OR2AG1: variants seen among roughly 807,000 people sequenced by gnomAD.
The protein encoded by OR2AG1 is olfactory receptor 2AG1.
For synonymous variants in OR2AG1, 157 were observed against 155.6 expected (o/e 1.01, Z -0.07); for missense variants, 391 against 385.9 (o/e 1.01, Z -0.11).
rs540398194 is a variant in OR2AG1 at position 6,791,278 on chromosome 11, G to A, written c.*5290G>A. 6.6e-6 allele frequency: 1 copy of A among 152,300 alleles called. No homozygotes were observed. The highest frequency in any genetic ancestry group is 2.1e-4 in the South Asian group (1 of 4,824). The allele number at this position is 152,300 out of a possible 1,614,324, so 9.4% of individuals were successfully genotyped here. On this transcript the variant is annotated 3_prime_UTR_variant, in exon 2 of 2. Transcript: ENST00000641258. ...TATTGTGTATTGTCACTAATTCTGGGAAGGCGGGGGCCATTGGTTTTCATG... is the reference window on the plus strand; with the variant it reads ...TATTGTGTATTGTCACTAATTCTGGAAAGGCGGGGGCCATTGGTTTTCATG...
rs1045709194 is a variant in OR2AG1, at chr11:6,787,243, T to C, written c.*1255T>C. The stretch of plus-strand genomic sequence containing the variant: ...CAGATTTTTTTAACCTACAAGCATA[T>C]AGTTATTTTTCCTATATTATATAGT... On this transcript the variant is annotated 3_prime_UTR_variant, in exon 2 of 2. Coordinates refer to ENST00000641258, the MANE Select transcript of OR2AG1 (RefSeq NM_001004489.3). 6.6e-6 allele frequency: 1 copy of C among 152,122 alleles called. No individual in the cohort carries two copies. The highest frequency in any genetic ancestry group is 1.9e-4 in the East Asian group (1 of 5,198). 9.4% of individuals were successfully genotyped at this position (152,122 alleles called of 1,614,324 possible). A position where few individuals can be genotyped will look rare whatever the true frequency, so the allele number is the denominator to read the frequency against.
rs145500563 is a variant in OR2AG1, at chr11:6,785,447, G to C, written c.410G>C (p.Ser137Thr). 6.2e-7 allele frequency: 1 copy of C among 1,614,108 alleles called. No homozygotes were observed. The highest frequency in any genetic ancestry group is 1.1e-5 in the South Asian group (1 of 91,078). ...CHPLTYMTLM[S>T]SRACWLMVAT... ...CCTCTGACATACATGACCCTCATGA[G>C]CTCAAGAGCCTGCTGGCTCATGGTG... Residue 137 changes from serine (S) to threonine (T), a missense_variant, in exon 2 of 2, where the codon AGC (serine) becomes ACC (threonine). Ser to Thr is a moderately conservative substitution (Grantham distance 58, BLOSUM62 1). Transcript: ENST00000641258.
rs975887736 is a variant in OR2AG1, at chr11:6,791,255, T to C, written c.*5267T>C. 1.3e-5 allele frequency: 2 copies of C among 152,226 alleles called. No homozygotes were observed. The highest frequency in any genetic ancestry group is 6.5e-5 in the Admixed American group (1 of 15,280). 9.4% of individuals were successfully genotyped at this position (152,226 alleles called of 1,614,324 possible). ...ACCAAAATCTTTGTTGAAAGGCATA[T>C]TGTGTATTGTCACTAATTCTGGGAA... On this transcript the variant is annotated 3_prime_UTR_variant, in exon 2 of 2. Coordinates refer to ENST00000641258, the MANE Select transcript of OR2AG1 (RefSeq NM_001004489.3).
rs1847642586 is a variant in OR2AG1 at position 6,787,670 on chromosome 11, TGTG to T, written c.*1683_*1685del. The T allele has an allele frequency of 6.6e-6, 1 of 151,592 alleles. No homozygotes were observed. The highest frequency in any genetic ancestry group is 6.6e-5 in the Admixed American group (1 of 15,200). The allele number at this position is 151,592 out of a possible 1,614,324, so 9.4% of individuals were successfully genotyped here. A position where few individuals can be genotyped will look rare whatever the true frequency, so the allele number is the denominator to read the frequency against. On this transcript the variant is annotated 3_prime_UTR_variant, in exon 2 of 2. Transcript: ENST00000641258. ...TAACATTGTCGTGTGTGTGTGTGTGTGTGTGTGTGTGTGTATGTCTCTGTGTGT... is the reference window on the plus strand; with the variant it reads ...TAACATTGTCGTGTGTGTGTGTGTGTTGTGTGTGTGTATGTCTCTGTGTGT...
Position 6,789,823 on chromosome 11 carries a change from CATTATGGA to C in OR2AG1, c.*3837_*3844del, listed in dbSNP as rs1295629187. ...TCATGGGAATGTAAAATGGTACAGC[CATTATGGA>C]AAACAGTATGGAGGTCTAAAGATTC... On this transcript the variant is annotated 3_prime_UTR_variant, in exon 2 of 2. Coordinates refer to ENST00000641258, the MANE Select transcript of OR2AG1 (RefSeq NM_001004489.3). The C allele has an allele frequency of 3.3e-5, 5 of 152,254 alleles. No homozygotes were observed. Among genetic ancestry groups the C allele is most frequent in the African/African-American group, 1.2e-4 (5 of 41,546 alleles). The allele number at this position is 152,254 out of a possible 1,614,324, so 9.4% of individuals were successfully genotyped here. A position where few individuals can be genotyped will look rare whatever the true frequency, so the allele number is the denominator to read the frequency against.
chr11:6,786,038 A>G lies in OR2AG1; in HGVS notation c.*50A>G. On this transcript the variant is annotated 3_prime_UTR_variant, in exon 2 of 2. Coordinates refer to ENST00000641258, the MANE Select transcript of OR2AG1 (RefSeq NM_001004489.3). Reference sequence around the variant, plus strand: ...AATTCCTTCTCCTGAGAGTCAAAAGATTCATGTTATGAATCAAATACTAAT... The same window carrying G: ...AATTCCTTCTCCTGAGAGTCAAAAGGTTCATGTTATGAATCAAATACTAAT... 3 of 1,409,774 alleles carry G rather than the reference A, an allele frequency of 2.1e-6. No homozygotes were observed. Among genetic ancestry groups the G allele is most frequent in the Non-Finnish European group, 2.9e-6 (3 of 1,019,542 alleles). The allele number at this position is 1,409,774 out of a possible 1,614,324, so 87.3% of individuals were successfully genotyped here.
Position 6,785,210 on chromosome 11 carries a change from C to G in OR2AG1, c.173C>G (p.Pro58Arg). 1 of 1,614,156 alleles carries G rather than the reference C, an allele frequency of 6.2e-7. No homozygotes were observed. The highest frequency in any genetic ancestry group is 8.5e-7 in the Non-Finnish European group (1 of 1,180,010). Residue 58 changes from proline (P) to arginine (R), a missense_variant, in exon 2 of 2, where the codon CCC becomes CGC. Coordinates refer to ENST00000641258, the MANE Select transcript of OR2AG1 (RefSeq NM_001004489.3). ...AITMEARLHM[P>R]MYLLLGQLSL... Reference sequence around the variant, plus strand: ...ACCATGGAAGCCCGGCTCCACATGCCCATGTACCTCCTGCTTGGGCAGCTC... The same window carrying G: ...ACCATGGAAGCCCGGCTCCACATGCGCATGTACCTCCTGCTTGGGCAGCTC...
chr11:6,785,565 T>A lies in OR2AG1; in HGVS notation c.528T>A (p.His176Gln). ...TCTGCAGGGCCCAGGAGATCAGGCA[T>A]CTTCTCTGTGAGATCCCACACTTGC... ...YPFCRAQEIRHLLCEIPHLLK... is the reference protein window; with the variant it reads ...YPFCRAQEIRQLLCEIPHLLK... Residue 176 changes from histidine (H) to glutamine (Q), a missense_variant, in exon 2 of 2, where the codon CAT (histidine) becomes CAA (glutamine). His to Gln is a conservative substitution (Grantham distance 24, BLOSUM62 0). Transcript: ENST00000641258. 6.2e-7 allele frequency: 1 copy of A among 1,614,156 alleles called. No individual in the cohort carries two copies. Among genetic ancestry groups the A allele is most frequent in the Non-Finnish European group, 8.5e-7 (1 of 1,180,020 alleles).
rs1847638596 is a variant in OR2AG1 at position 6,787,336 on chromosome 11, C to A, written c.*1348C>A. 1 of 152,086 alleles carries A rather than the reference C, an allele frequency of 6.6e-6. No homozygotes were observed. The highest frequency in any genetic ancestry group is 2.1e-4 in the South Asian group (1 of 4,824). The allele number at this position is 152,086 out of a possible 1,614,324, so 9.4% of individuals were successfully genotyped here. ...CGTACAGAAGTTAGAATTGAATACA[C>A]CCCACTTATTTCTATAACTTTTAGC... On this transcript the variant is annotated 3_prime_UTR_variant, in exon 2 of 2. Coordinates refer to ENST00000641258, the MANE Select transcript of OR2AG1 (RefSeq NM_001004489.3).
rs1380327386 is a variant in OR2AG1, at chr11:6,789,307, C to G, written c.*3319C>G. 6.6e-6 allele frequency: 1 copy of G among 152,176 alleles called. No homozygotes were observed. Among genetic ancestry groups the G allele is most frequent in the Non-Finnish European group, 1.5e-5 (1 of 68,032 alleles). 9.4% of individuals were successfully genotyped at this position (152,176 alleles called of 1,614,324 possible). A position where few individuals can be genotyped will look rare whatever the true frequency, so the allele number is the denominator to read the frequency against. ...CTGGCTTGCTTCTTTAATCCCTAAC[C>G]TTTTTTGCCTTATTGGATTCGTTTT... On this transcript the variant is annotated 3_prime_UTR_variant, in exon 2 of 2. Coordinates refer to ENST00000641258, the MANE Select transcript of OR2AG1 (RefSeq NM_001004489.3).
In OR2AG1 at chr11:6,787,265, T is replaced by C. The variant is rs929858722; in HGVS notation, c.*1277T>C. 4 of 152,090 alleles carry C rather than the reference T, an allele frequency of 2.6e-5. No homozygotes were observed. The highest frequency in any genetic ancestry group is 9.7e-5 in the African/African-American group (4 of 41,378). The allele number at this position is 152,090 out of a possible 1,614,324, so 9.4% of individuals were successfully genotyped here. A position where few individuals can be genotyped will look rare whatever the true frequency, so the allele number is the denominator to read the frequency against. On this transcript the variant is annotated 3_prime_UTR_variant, in exon 2 of 2. Coordinates refer to ENST00000641258, the MANE Select transcript of OR2AG1 (RefSeq NM_001004489.3). Reference sequence around the variant, plus strand: ...ATATAGTTATTTTTCCTATATTATATAGTGGCAGTATACAGCACTGCAAAG... The same window carrying C: ...ATATAGTTATTTTTCCTATATTATACAGTGGCAGTATACAGCACTGCAAAG...
Position 6,785,189 on chromosome 11 carries a change from T to A in OR2AG1, c.152T>A (p.Met51Lys). Reference protein sequence around the residue: ...SNGLLLLAITMEARLHMPMYL... With the variant: ...SNGLLLLAITKEARLHMPMYL... ...GGCCTACTGCTCCTGGCTATCACCATGGAAGCCCGGCTCCACATGCCCATG... is the reference window on the plus strand; with the variant it reads ...GGCCTACTGCTCCTGGCTATCACCAAGGAAGCCCGGCTCCACATGCCCATG... The change falls in exon 2 of 2, where the codon ATG becomes AAG. Residue 51 changes from methionine to lysine, a missense_variant. Physicochemically the swap from Met to Lys is moderately conservative, Grantham distance 95. Transcript: ENST00000641258. 6.2e-7 allele frequency: 1 copy of A among 1,614,174 alleles called. No homozygotes were observed. Among genetic ancestry groups the A allele is most frequent in the South Asian group, 1.1e-5 (1 of 91,080 alleles).
chr11:6,786,897 G>C lies in OR2AG1; in HGVS notation c.*909G>C, dbSNP rs912971050. On this transcript the variant is annotated 3_prime_UTR_variant, in exon 2 of 2. Transcript: ENST00000641258. ...TGCACTACTATTAGTTTGTCTATAA[G>C]TCTGAGAATATTGAAAACAAAAGAT... 5 of 152,166 alleles carry C rather than the reference G, an allele frequency of 3.3e-5. No individual in the cohort carries two copies. Among genetic ancestry groups the C allele is most frequent in the Admixed American group, 3.3e-4 (5 of 15,280 alleles). The allele number at this position is 152,166 out of a possible 1,614,324, so 9.4% of individuals were successfully genotyped here. A position where few individuals can be genotyped will look rare whatever the true frequency, so the allele number is the denominator to read the frequency against.
Position 6,786,307 on chromosome 11 carries a change from G to T in OR2AG1, c.*319G>T. On this transcript the variant is annotated 3_prime_UTR_variant, in exon 2 of 2. Coordinates refer to ENST00000641258, the MANE Select transcript of OR2AG1 (RefSeq NM_001004489.3). ...ACCTTCGAAGTTTATATTGGATCAG[G>T]GAAAGGAAAAGAACCAGAGAAAGGA... is the stretch of plus-strand genomic sequence containing the variant. The T allele has an allele frequency of 4.8e-6, 1 of 210,050 alleles. No individual in the cohort carries two copies. The highest frequency in any genetic ancestry group is 9.4e-6 in the Non-Finnish European group (1 of 105,994). 13.0% of individuals were successfully genotyped at this position (210,050 alleles called of 1,614,324 possible).
rs1847656366 is a variant in OR2AG1, at chr11:6,788,987, C to T, written c.*2999C>T. 6.6e-6 allele frequency: 1 copy of T among 151,004 alleles called. No homozygotes were observed. The highest frequency in any genetic ancestry group is 2.1e-4 in the South Asian group (1 of 4,798). The allele number at this position is 151,004 out of a possible 1,614,324, so 9.4% of individuals were successfully genotyped here. On this transcript the variant is annotated 3_prime_UTR_variant, in exon 2 of 2. Coordinates refer to ENST00000641258, the MANE Select transcript of OR2AG1 (RefSeq NM_001004489.3). The stretch of plus-strand genomic sequence containing the variant: ...GTCTTTGCATGACTCCAATCCCCCT[C>T]AGTAACTGTAGCATTATTTTCAGCT...
At position 6,786,239 on chromosome 11, in the gene OR2AG1, G is replaced by T; in HGVS notation, c.*251G>T. On this transcript the variant is annotated 3_prime_UTR_variant, in exon 2 of 2. Transcript: ENST00000641258. ...AATTTAATCTTTATTTTCCCAGGAA[G>T]GTATTTAGTTAAATGGGTTCCCACC... is the stretch of plus-strand genomic sequence containing the variant. 1 of 378,830 alleles carries T rather than the reference G, an allele frequency of 2.6e-6. No homozygotes were observed. Among genetic ancestry groups the T allele is most frequent in the Non-Finnish European group, 4.7e-6 (1 of 213,262 alleles). 23.5% of individuals were successfully genotyped at this position (378,830 alleles called of 1,614,324 possible). A position where few individuals can be genotyped will look rare whatever the true frequency, so the allele number is the denominator to read the frequency against.
Position 6,786,029 on chromosome 11 carries a change from A to G in OR2AG1, c.*41A>G. ...AGCTTCCAGAATTCCTTCTCCTGAG[A>G]GTCAAAAGATTCATGTTATGAATCA... On this transcript the variant is annotated 3_prime_UTR_variant, in exon 2 of 2. Transcript: ENST00000641258. 1 of 1,474,046 alleles carries G rather than the reference A, an allele frequency of 6.8e-7. No individual in the cohort carries two copies. The highest frequency in any genetic ancestry group is 9.3e-7 in the Non-Finnish European group (1 of 1,073,098). The allele number at this position is 1,474,046 out of a possible 1,614,324, so 91.3% of individuals were successfully genotyped here.
Position 6,787,339 on chromosome 11 carries a change from C to T in OR2AG1, c.*1351C>T, listed in dbSNP as rs936146034. On this transcript the variant is annotated 3_prime_UTR_variant, in exon 2 of 2. Transcript: ENST00000641258. ...ACAGAAGTTAGAATTGAATACACCC[C>T]ACTTATTTCTATAACTTTTAGCATA... 2 of 152,096 alleles carry T rather than the reference C, an allele frequency of 1.3e-5. No homozygotes were observed. The highest frequency in any genetic ancestry group is 2.1e-4 in the South Asian group (1 of 4,818). 9.4% of individuals were successfully genotyped at this position (152,096 alleles called of 1,614,324 possible). A position where few individuals can be genotyped will look rare whatever the true frequency, so the allele number is the denominator to read the frequency against.
intron 1 of OR2AG1, among the ~76,000 whole-genome samples, chr11:6,783,796 G>A (rs1241001037): frequency 2.0e-5 from 3 of 152,114 alleles, no homozygotes; most frequent in Non-Finnish European, 4.4e-5. Context: ...TATCCTAAAG[G>A]GCCATCTAAA....
Sources: gnomAD v4.1 joint callset for allele counts (sites outside exome capture counted in the v4.1 genomes callset) on GRCh38, gnomAD v4.1.1 for gene constraint, MANE v1.5 for transcripts, NCBI Gene and HGNC (gene_info 2026-07-23, HGNC 2026-07-21) for gene names.